The following PSTPIP1 variants were observed in gnomAD, a reference collection of about 807,000 sequenced individuals.
The protein encoded by PSTPIP1 is proline-serine-threonine phosphatase-interacting protein 1.
Under a neutral mutation model 69.6 loss-of-function variants are expected in PSTPIP1, and 66 were observed. The ratio of observed to expected loss-of-function variants is 0.95; its 90% confidence interval spans 0.78 to 1.16. PSTPIP1 has a LOEUF of 1.16. Ranked by LOEUF, PSTPIP1 falls within the 50% of genes most tolerant of loss-of-function variation. The probability of loss-of-function intolerance (pLI) is 0.00; values close to 1 mark genes in which losing one functional copy is unlikely to be tolerated. For missense variants in PSTPIP1, 603 were observed against 557.4 expected (o/e 1.08, Z -0.82); for synonymous variants, 266 against 222.7 (o/e 1.19, Z -1.73).
intron 1 of PSTPIP1, among the ~76,000 whole-genome samples, chr15:77,007,531 C>A (rs909088401): frequency 9.2e-5 from 14 of 151,928 alleles, no homozygotes; most frequent in Non-Finnish European, 1.8e-4. Flanking sequence ...ATCACTTGAG[C>A]CCAGGAGGTC....
rs189528452 is a variant in PSTPIP1, at chr15:77,012,362, C to T, written c.37-5786C>T. Among the ~76,000 whole-genome samples the T allele has an allele frequency of 2.5e-3, 373 of 150,836 alleles. 1 individual carries two copies. Among genetic ancestry groups the T allele is most frequent in the Non-Finnish European group, 3.4e-3 (232 of 67,610 alleles). ...CCACCTGTCCACCAGTCCACCCATCCACCCACCCACCTATCCACCCATCCA... is the reference window on the plus strand; with the variant it reads ...CCACCTGTCCACCAGTCCACCCATCTACCCACCCACCTATCCACCCATCCA... On this transcript the variant is annotated intron_variant, in intron 1 of 14. Coordinates refer to ENST00000558012, the MANE Select transcript of PSTPIP1 (RefSeq NM_003978.5).
intron 9 of PSTPIP1, among the ~76,000 whole-genome samples, 169 bp from the exon 10 acceptor site, chr15:77,031,011 G>A (rs2076401750): frequency 6.6e-6 from 1 of 152,218 alleles, no homozygotes; most frequent in African/African-American, 2.4e-5. Context: ...TGCAGCCTCA[G>A]GGCTGGCCCG....
chr15:77,035,763 C>G (rs1401771728), intron 13 of PSTPIP1, 39 bp from the exon 14 acceptor site: 11 of 1,431,174 alleles, frequency 7.7e-6, no homozygotes, highest in African/African-American at 6.1e-5. Flanking sequence ...GGCCAGTGTC[C>G]CCAGAAGGGG....
chr15:77,035,211 T>G (rs2152691403), intron 12 of PSTPIP1, among the ~76,000 whole-genome samples: 1 of 152,286 alleles, frequency 6.6e-6, no homozygotes, highest in East Asian at 1.9e-4. Context: ...AAGCTACAGC[T>G]TCGGGGGTTC....
chr15:77,031,571 G>A, intron 10 of PSTPIP1: 1 of 323,388 alleles, frequency 3.1e-6, no homozygotes, highest in Middle Eastern at 1.0e-3. Context: ...GGGGATGGGA[G>A]GGGAGGTGGA....
At chr15:77,017,229 G>A (rs2076068750) in intron 1 of PSTPIP1, among the ~76,000 whole-genome samples, 1 of 152,138 alleles carries the variant, frequency 6.6e-6, no homozygotes, top group Non-Finnish European at 1.5e-5. Flanking sequence ...GGAGACCTCT[G>A]TTCCTTCATA....
chr15:77,032,905 G>A lies in PSTPIP1; in HGVS notation c.882G>A (p.Pro294=), dbSNP rs200796501. 4.2e-4 allele frequency: 671 copies of A among 1,604,774 alleles called. No homozygotes were observed. Among genetic ancestry groups the A allele is most frequent in the Non-Finnish European group, 5.3e-4 (627 of 1,176,228 alleles). The change falls in exon 12 of 15, where the codon CCG becomes CCA. Residue 294 remains proline, a synonymous_variant. Coordinates refer to ENST00000558012, the MANE Select transcript of PSTPIP1 (RefSeq NM_003978.5). Reference sequence around the variant, plus strand: ...ACTATTACGATCGGGAGGTCACCCCGCTGACCAGCAGCCCTGGCATACAGC... The same window carrying A: ...ACTATTACGATCGGGAGGTCACCCCACTGACCAGCAGCCCTGGCATACAGC... ...YQNYYDREVT[P]LTSSPGIQPS...
At chr15:77,035,981 C>T in intron 14 of PSTPIP1, 46 bp downstream of exon 14, 1 of 1,534,182 alleles carries the variant, frequency 6.5e-7, no homozygotes, top group Non-Finnish European at 8.8e-7. Context: ...CTCCCCTGCA[C>T]CTGAGAGCTC....
In PSTPIP1 at chr15:77,019,937, C is replaced by T. The variant is rs149577219; in HGVS notation, c.212+1406C>T. Among the ~76,000 whole-genome samples the T allele has an allele frequency of 1.4e-3, 212 of 152,258 alleles. 1 individual carries two copies. In the East Asian group the frequency reaches 0.033, roughly 24 times the overall value. On this transcript the variant is annotated intron_variant, in intron 3 of 14. Coordinates refer to ENST00000558012, the MANE Select transcript of PSTPIP1 (RefSeq NM_003978.5). Reference sequence around the variant, plus strand: ...GTCTCCTGGCCTCCCAGCCTCCAGGCCAGCTGGAAGAGAACTTTCCCAGAA... The same window carrying T: ...GTCTCCTGGCCTCCCAGCCTCCAGGTCAGCTGGAAGAGAACTTTCCCAGAA...
intron 1 of PSTPIP1, among the ~76,000 whole-genome samples, chr15:76,995,971 G>A (rs1303067134): frequency 2.6e-5 from 4 of 152,200 alleles, no homozygotes; most frequent in South Asian, 2.1e-4. Flanking sequence ...CTTGAGTTCA[G>A]GTCTTGGCTC....
At chr15:77,029,431 G>C (rs1457560177) in intron 7 of PSTPIP1, 98 bp from the exon 8 acceptor site, 9 of 1,422,916 alleles carry the variant, frequency 6.3e-6, no homozygotes, top group South Asian at 1.2e-5. Flanking sequence ...GTTCCCCCCA[G>C]GGTGGCCGGG....
intron 3 of PSTPIP1, among the ~76,000 whole-genome samples, chr15:77,020,136 T>C (rs2076132180): frequency 1.3e-5 from 2 of 151,668 alleles, no homozygotes; most frequent in Admixed American, 1.3e-4. Flanking sequence ...GAAAATACAA[T>C]GGGGGTGGGG....
At chr15:77,009,319 C>G (rs1183807556) in intron 1 of PSTPIP1, among the ~76,000 whole-genome samples, 1 of 152,120 alleles carries the variant, frequency 6.6e-6, no homozygotes, top group South Asian at 2.1e-4. Context: ...AGGAGTGGAG[C>G]TCCTCTGAAG....
intron 1 of PSTPIP1, among the ~76,000 whole-genome samples, chr15:77,001,505 G>T (rs2075706988): frequency 6.6e-6 from 1 of 152,254 alleles, no homozygotes; most frequent in African/African-American, 2.4e-5. Flanking sequence ...GGCCAAGGAG[G>T]CCAGTGGCTG....
At chr15:77,011,040 G>A (rs912099205) in intron 1 of PSTPIP1, among the ~76,000 whole-genome samples, 8 of 152,188 alleles carry the variant, frequency 5.3e-5, no homozygotes, top group Non-Finnish European at 1.0e-4. Flanking sequence ...GGAAGCAGGC[G>A]GGGAACTCAG....
intron 1 of PSTPIP1, among the ~76,000 whole-genome samples, chr15:77,005,693 T>C (rs1338485820): frequency 6.6e-6 from 1 of 152,256 alleles, no homozygotes; most frequent in African/African-American, 2.4e-5. Context: ...TTTCTAGCTC[T>C]ATGGATTTGC....
At chr15:77,032,181 G>A (rs2076433573) in intron 10 of PSTPIP1, 117 bp from the exon 11 acceptor site, 3 of 999,494 alleles carry the variant, frequency 3.0e-6, no homozygotes, top group South Asian at 3.0e-5. Flanking sequence ...CAAAGACCCC[G>A]AGCCGCGCAC....
chr15:77,028,277 G>T (rs1568513438), intron 6 of PSTPIP1: 2 of 501,394 alleles, frequency 4.0e-6, no homozygotes, highest in Non-Finnish European at 7.1e-6. Context: ...GCGTGGCGAG[G>T]GGCGTGCCCT....
intron 1 of PSTPIP1, among the ~76,000 whole-genome samples, chr15:77,004,882 A>AC (rs949224532): frequency 5.9e-5 from 9 of 151,752 alleles, no homozygotes; most frequent in African/African-American, 2.2e-4. Context: ...AAACAAACAA[A>AC]AAAAACAAAG....
Sources: allele counts gnomAD v4.1 joint callset (sites outside exome capture counted in the v4.1 genomes callset), GRCh38; gene constraint gnomAD v4.1.1; transcripts MANE v1.5; gene names NCBI Gene and HGNC (gene_info 2026-07-23, HGNC 2026-07-21).